The following NRG2 variants were observed in gnomAD, a reference collection of about 807,000 sequenced individuals.
NRG2 encodes pro-neuregulin-2, membrane-bound isoform.
Under a neutral mutation model 73.9 loss-of-function variants are expected in NRG2, and 27 were observed. The observed-to-expected ratio is 0.37, with a 90% CI of 0.27 to 0.50. The LOEUF is 0.50. NRG2 is among the 20% of genes least tolerant of loss of function. The pLI, the probability that NRG2 is intolerant of heterozygous loss-of-function variation, is 0.96. For missense variants in NRG2, 1,126 were observed against 1,210.1 expected (o/e 0.93, Z 1.03); for synonymous variants, 532 against 541.0 (o/e 0.98, Z 0.23).
chr5:139,979,551 A>C (rs1756634958), intron 1 of NRG2, among the ~76,000 whole-genome samples: 1 of 152,182 alleles, frequency 6.6e-6, no homozygotes, highest in African/African-American at 2.4e-5. Flanking sequence ...TAACACATAG[A>C]ATGTGGGGAA....
intron 1 of NRG2, among the ~76,000 whole-genome samples, chr5:139,910,199 G>A (rs549300306): frequency 3.3e-4 from 50 of 152,274 alleles, no homozygotes; most frequent in African/African-American, 1.2e-3. Context: ...CAGCCAACCC[G>A]GAAAGCCTGT....
rs1370698565 is a variant in NRG2 at position 139,904,352 on chromosome 5, G to A, written c.701-16841C>T. The A allele has an allele frequency of 6.3e-7, 1 of 1,593,030 alleles. No homozygotes were observed. Among genetic ancestry groups the A allele is most frequent in the Admixed American group, 1.7e-5 (1 of 59,726 alleles). ...TCCCTCTCCCGCTTCCTCCCCTCTG[G>A]GTGCTTCTTGCCGCGGCCGCGGCCC... is the stretch of plus-strand genomic sequence containing the variant. On this transcript the variant is annotated intron_variant, in intron 1 of 9. Transcript: ENST00000361474. The surrounding 1 kb of genome is among the most constrained non-coding windows in gnomAD (Gnocchi z 6.0).
At chr5:139,875,668 G>A (rs1026334354) in intron 3 of NRG2, among the ~76,000 whole-genome samples, 6 of 152,120 alleles carry the variant, frequency 3.9e-5, no homozygotes, top group East Asian at 1.9e-4. Context: ...GCTCACCCCC[G>A]TAATCCTAGC....
chr5:140,025,739 A>T (rs1460283600), intron 1 of NRG2, among the ~76,000 whole-genome samples: 3 of 152,234 alleles, frequency 2.0e-5, no homozygotes, highest in Non-Finnish European at 4.4e-5. Context: ...ATTCCAAGAT[A>T]AAATCCTAAG....
chr5:139,848,255 C>G lies in NRG2; in HGVS notation c.2215G>C (p.Gly739Arg). Residue 739 changes from glycine (G) to arginine (R), a missense_variant, in exon 10 of 10, where the codon GGG becomes CGG. Physicochemically the swap from Gly to Arg is moderately radical, Grantham distance 125. Coordinates refer to ENST00000361474, the MANE Select transcript of NRG2 (RefSeq NM_004883.3). ...CGCGAGCGGCGCCAGCGCCGGGGCC[C>G]CGCCGACGTCCTGCGGGACGCACCG... ...ARGASRRTSA[G>R]PRRWRRSRLN... 1.8e-6 allele frequency: 2 copies of G among 1,117,502 alleles called. No homozygotes were observed. Among genetic ancestry groups the G allele is most frequent in the Non-Finnish European group, 2.2e-6 (2 of 916,878 alleles). The allele number at this position is 1,117,502 out of a possible 1,614,324, so 69.2% of individuals were successfully genotyped here.
Position 140,042,934 on chromosome 5 carries a change from T to A in NRG2, c.136A>T (p.Ser46Cys). The A allele has an allele frequency of 1.3e-6, 2 of 1,542,180 alleles. No individual in the cohort carries two copies. The highest frequency in any genetic ancestry group is 1.7e-6 in the Non-Finnish European group (2 of 1,146,084). ...CTGTTGTTGCTGCTGCTCCTGCTGC[T>A]GCTGCCGCTCTCGCTGCTGCTGCTG... ...SSSSSSESGSSSRSSSNNSSI... is the reference protein window; with the variant it reads ...SSSSSSESGSCSRSSSNNSSI... The change falls in exon 1 of 10, where the codon AGC (serine) becomes TGC (cysteine). Residue 46 changes from serine to cysteine, a missense_variant. By Grantham distance (112) the Ser-to-Cys change is moderately radical (BLOSUM62 -1). This residue lies in a region of NRG2 where 185 missense variants were observed against 149.0 expected (regional missense o/e 1.24). Transcript: ENST00000361474.
intron 1 of NRG2, among the ~76,000 whole-genome samples, chr5:140,023,856 C>T (rs1427209513): frequency 6.6e-6 from 1 of 152,078 alleles, no homozygotes; most frequent in Non-Finnish European, 1.5e-5. Context: ...ATCTAGGTTG[C>T]CATATGGTTC....
At chr5:139,948,910 G>A (rs1753990602) in intron 1 of NRG2, among the ~76,000 whole-genome samples, 1 of 151,980 alleles carries the variant, frequency 6.6e-6, no homozygotes, top group Non-Finnish European at 1.5e-5. Flanking sequence ...AGAGGCTAGA[G>A]TCAAGATTCC....
intron 1 of NRG2, among the ~76,000 whole-genome samples, chr5:139,919,157 T>C (rs919333938): frequency 1.3e-5 from 2 of 151,872 alleles, no homozygotes; most frequent in Non-Finnish European, 2.9e-5. Context: ...ACGCTGGGAG[T>C]TCTGAGCTTC....
intron 1 of NRG2, among the ~76,000 whole-genome samples, chr5:139,907,795 T>C (rs529173430): frequency 1.3e-5 from 2 of 151,950 alleles, no homozygotes; most frequent in African/African-American, 4.8e-5. Flanking sequence ...TCCAGATGAG[T>C]GGGATACGAC....
In NRG2 at chr5:139,986,954, T is replaced by A. The variant is rs575460520; in HGVS notation, c.700+55416A>T. Among the ~76,000 whole-genome samples, 3 of 152,196 alleles carry A rather than the reference T, an allele frequency of 2.0e-5. No homozygotes were observed. The South Asian group carries it at 6.2e-4, about 32-fold the overall frequency. On this transcript the variant is annotated intron_variant, in intron 1 of 9. Transcript: ENST00000361474. ...TTGACTCAGAAAAAAATCCCAGGTT[T>A]GTTAGAAATCCCCAAAGGCTCTTTA...
intron 1 of NRG2, among the ~76,000 whole-genome samples, chr5:139,979,123 A>G (rs543262956): frequency 2.6e-5 from 4 of 151,448 alleles, no homozygotes; most frequent in Non-Finnish European, 5.9e-5. Context: ...ATTAGGAGAT[A>G]TACCTAATGT....
intron 1 of NRG2, among the ~76,000 whole-genome samples, chr5:139,973,916 G>A (rs1756178701): frequency 6.6e-6 from 1 of 152,126 alleles, no homozygotes; most frequent in South Asian, 2.1e-4. Context: ...TTTCTACACA[G>A]TGACAGTTCT....
intron 1 of NRG2, among the ~76,000 whole-genome samples, chr5:139,893,718 C>T (rs1264622295): frequency 6.6e-6 from 1 of 152,162 alleles, no homozygotes; most frequent in Non-Finnish European, 1.5e-5. Flanking sequence ...TTCTCTTCCT[C>T]CTGGGACAAG....
chr5:139,861,326 G>A (rs896480405), intron 5 of NRG2, among the ~76,000 whole-genome samples: 3 of 152,258 alleles, frequency 2.0e-5, no homozygotes, highest in Admixed American at 6.5e-5. Flanking sequence ...GGAGGAAGGC[G>A]AGCACGTGGC....
chr5:139,890,091 C>T (rs980676528), intron 1 of NRG2, among the ~76,000 whole-genome samples: 4 of 152,002 alleles, frequency 2.6e-5, no homozygotes, highest in African/African-American at 7.3e-5. Flanking sequence ...AATTTGCGCT[C>T]CCCCCAGTGA....
At chr5:139,946,379 G>GT (rs1753801768) in intron 1 of NRG2, among the ~76,000 whole-genome samples, 1 of 151,986 alleles carries the variant, frequency 6.6e-6, no homozygotes. Flanking sequence ...CAAATTGTTA[G>GT]TTTTTTCTAA....
At position 139,898,882 on chromosome 5, in the gene NRG2, C is replaced by T. The variant is rs187734795; in HGVS notation, c.701-11371G>A. On this transcript the variant is annotated intron_variant, in intron 1 of 9. Transcript: ENST00000361474. ...AATATCCTGTTTCCAAGCCTCCACA[C>T]CTCCTTAAGTGACTTCTTCAATCTG... Among the ~76,000 whole-genome samples the T allele has an allele frequency of 1.3e-3, 194 of 152,334 alleles. 1 individual carries two copies. The highest frequency in any genetic ancestry group is 4.3e-3 in the African/African-American group (178 of 41,576).
intron 1 of NRG2, among the ~76,000 whole-genome samples, chr5:139,901,227 T>C (rs1237402410): frequency 6.6e-6 from 1 of 152,214 alleles, no homozygotes; most frequent in African/African-American, 2.4e-5. Context: ...TGAAGACTGA[T>C]GAGTCCTGGT....
Sources: allele counts gnomAD v4.1 joint callset (sites outside exome capture counted in the v4.1 genomes callset), GRCh38; gene constraint gnomAD v4.1.1; regional missense constraint gnomAD v4.1.1; non-coding constraint Gnocchi (gnomAD v3.1); transcripts MANE v1.5; gene names NCBI Gene and HGNC (gene_info 2026-07-23, HGNC 2026-07-21).